C3orf18: variants seen among roughly 807,000 people sequenced by gnomAD.
C3orf18 encodes uncharacterized protein C3orf18.
In C3orf18, 12 loss-of-function variants were observed where a neutral mutation model predicts 14.1. The ratio of observed to expected loss-of-function variants is 0.85; its 90% CI spans 0.55 to 1.38. The LOEUF (loss-of-function observed/expected upper bound fraction) is 1.38, where lower values mean the gene tolerates loss of function less well. C3orf18 is among the 40% of genes most tolerant of loss of function. The probability of loss-of-function intolerance (pLI) is 0.00; values close to 1 mark genes in which losing one functional copy is unlikely to be tolerated. For synonymous variants in C3orf18, 82 were observed against 87.9 expected (o/e 0.93, Z 0.38); for missense variants, 196 against 213.9 (o/e 0.92, Z 0.52).
intron 3 of C3orf18, among the ~76,000 whole-genome samples, chr3:50,564,424 C>T (rs1218353642): frequency 6.6e-6 from 1 of 152,212 alleles, no homozygotes; most frequent in Admixed American, 6.5e-5. Context: ...CAGCCCCCTT[C>T]CTTCCTGATG....
chr3:50,561,554 G>C (rs964314470), intron 4 of C3orf18, among the ~76,000 whole-genome samples, 168 bp downstream of exon 4: 8 of 152,224 alleles, frequency 5.3e-5, no homozygotes, highest in Non-Finnish European at 1.0e-4. Context: ...CCTTGTGCAA[G>C]GGGGGCCCTC....
intron 5 of C3orf18, 62 bp from the exon 6 acceptor site, chr3:50,559,799 G>A: frequency 9.0e-7 from 1 of 1,113,928 alleles, no homozygotes; most frequent in Non-Finnish European, 1.3e-6. Flanking sequence ...CACTGGCCTG[G>A]TCACCTCCAC....
At chr3:50,562,302 G>A in intron 3 of C3orf18, 1 of 361,912 alleles carries the variant, frequency 2.8e-6, no homozygotes, top group Non-Finnish European at 5.4e-6. Flanking sequence ...GGCCCGGCCT[G>A]GGGACTGGTG....
At chr3:50,572,115 G>A (rs1176701577), upstream of C3orf18, 2 of 1,613,956 alleles carry the variant, frequency 1.2e-6, no homozygotes, top group Non-Finnish European at 1.7e-6. Flanking sequence ...CCCTCTGCAG[G>A]ATGCCGGTGC....
chr3:50,565,601 C>T lies in C3orf18; in HGVS notation c.99G>A (p.Glu33=). The part of the protein sequence containing the change: ...LEPATDGPAS[E]TTTLSPEATT... ...TGGCCTCTGGGCTGAGGGTAGTGGT[C>T]TCGGAGGCTGGCCCATCTGTGGCAG... The change falls in exon 3 of 6, where the codon GAG becomes GAA. Residue 33 remains glutamate, a synonymous_variant. Transcript: ENST00000357203. This position sits in a 1 kb window ranked among gnomAD's most constrained non-coding sequence, Gnocchi z 4.4. 1 of 1,613,952 alleles carries T rather than the reference C, an allele frequency of 6.2e-7. No individual in the cohort carries two copies. The highest frequency in any genetic ancestry group is 8.5e-7 in the Non-Finnish European group (1 of 1,180,012).
Position 50,565,943 on chromosome 3 carries a change from C to G in C3orf18, c.-163+63G>C. 1 of 542,116 alleles carries G rather than the reference C, an allele frequency of 1.8e-6. No individual in the cohort carries two copies. 33.6% of individuals were successfully genotyped at this position (542,116 alleles called of 1,614,324 possible). On this transcript the variant is annotated intron_variant, in intron 2 of 5. Transcript: ENST00000357203. This position sits in a 1 kb window ranked among gnomAD's most constrained non-coding sequence, Gnocchi z 4.4. ...GAAGTCTCTCTAGGTTCTGAAAGCA[C>G]TGGGGAGGTAAAGGTTTGAGGGCAA...
chr3:50,560,760 T>A (rs967547091), intron 5 of C3orf18, among the ~76,000 whole-genome samples, 157 bp downstream of exon 5: 6 of 152,210 alleles, frequency 3.9e-5, no homozygotes, highest in South Asian at 2.1e-4. Flanking sequence ...CAGAGCAATA[T>A]GACCACTTTC....
At chr3:50,571,557 G>A (rs772832969), upstream of C3orf18, 6 of 778,988 alleles carry the variant, frequency 7.7e-6, no homozygotes, top group Non-Finnish European at 8.8e-6. Context: ...TGTTAGCTGT[G>A]TAACCTTAGG....
At chr3:50,574,101 T>A (rs56112107), upstream of C3orf18, among the ~76,000 whole-genome samples, 3,813 of 152,314 alleles carry the variant, frequency 0.025, 184 homozygotes, top group African/African-American at 0.087. Flanking sequence ...ATGGAGTCCA[T>A]GTTGGGGCAG....
intron 1 of C3orf18, among the ~76,000 whole-genome samples, chr3:50,567,181 GCGTGACCTTGGGCCAAACCCTTAACT>G (rs1700359492): frequency 6.6e-6 from 1 of 152,184 alleles, no homozygotes; most frequent in Non-Finnish European, 1.5e-5. Flanking sequence ...CTGATCCCGG[GCGTGACCTTGGGCCAAACCCTTAACT>G]CGTGCCCTGG....
upstream of C3orf18, chr3:50,571,815 G>A (rs749107968): frequency 2.5e-6 from 4 of 1,609,996 alleles, no homozygotes; most frequent in South Asian, 3.3e-5. Flanking sequence ...AGCACCCATG[G>A]ATCAGACCTG....
rs1392867850 is a variant in C3orf18, at chr3:50,565,546, C to G, written c.154G>C (p.Ala52Pro). The G allele has an allele frequency of 6.2e-7, 1 of 1,614,068 alleles. No individual in the cohort carries two copies. The highest frequency in any genetic ancestry group is 2.2e-5 in the East Asian group (1 of 44,886). ...TTFNDTRIPD[A>P]AGGTAGVGTM... ...CCCACGCCGGCCGTGCCACCAGCTG[C>G]ATCAGGGATTCTGGTGTCATTAAAG... Residue 52 changes from alanine to proline, a missense_variant, in exon 3 of 6, where the codon GCA becomes CCA. By Grantham distance (27) the Ala-to-Pro change is conservative. Transcript: ENST00000357203. The surrounding 1 kb of genome is among the most constrained non-coding windows in gnomAD (Gnocchi z 4.4).
chr3:50,574,377 G>A (rs988630744), upstream of C3orf18, among the ~76,000 whole-genome samples: 2 of 152,192 alleles, frequency 1.3e-5, no homozygotes, highest in Non-Finnish European at 2.9e-5. Context: ...ATGAGTTTCC[G>A]GTGCTCTGGA....
intron 3 of C3orf18, among the ~76,000 whole-genome samples, chr3:50,564,978 G>T (rs1700200058): frequency 6.6e-6 from 1 of 152,290 alleles, no homozygotes; most frequent in South Asian, 2.1e-4. Context: ...GTATTCCCAA[G>T]AACCTTTTCT....
In C3orf18 at chr3:50,558,802, C is replaced by G; in HGVS notation, c.*855G>C. Reference sequence around the variant, plus strand: ...TTGAAGGCAGAGAAGATAGCCTACCCTGATGCTCCACTACATACCATGGGG... The same window carrying G: ...TTGAAGGCAGAGAAGATAGCCTACCGTGATGCTCCACTACATACCATGGGG... On this transcript the variant is annotated 3_prime_UTR_variant, in exon 6 of 6. Transcript: ENST00000357203. The G allele has an allele frequency of 7.8e-7, 1 of 1,289,870 alleles. No individual in the cohort carries two copies. Among genetic ancestry groups the G allele is most frequent in the Non-Finnish European group, 1.0e-6 (1 of 988,876 alleles). The allele number at this position is 1,289,870 out of a possible 1,614,324, so 79.9% of individuals were successfully genotyped here.
chr3:50,559,276 C>T lies in C3orf18; in HGVS notation c.*381G>A. The T allele has an allele frequency of 8.0e-7, 1 of 1,243,034 alleles. No individual in the cohort carries two copies. Among genetic ancestry groups the T allele is most frequent in the Non-Finnish European group, 1.0e-6 (1 of 971,442 alleles). 77.0% of individuals were successfully genotyped at this position (1,243,034 alleles called of 1,614,324 possible). On this transcript the variant is annotated 3_prime_UTR_variant, in exon 6 of 6. Transcript: ENST00000357203. ...AGGTCTCTCCCTAACAGAGGGAAAC[C>T]TCCCCTTTCCTCCCCCAATCCCTCC...
intron 3 of C3orf18, among the ~76,000 whole-genome samples, chr3:50,564,637 A>G (rs1455144067): frequency 2.0e-5 from 3 of 152,210 alleles, no homozygotes; most frequent in Non-Finnish European, 4.4e-5. Flanking sequence ...TAAGAACCAC[A>G]GGGCAGGACC....
upstream of C3orf18, chr3:50,571,755 C>A (rs144241904): frequency 4.3e-6 from 7 of 1,614,208 alleles, no homozygotes; most frequent in Non-Finnish European, 5.1e-6. Context: ...CTTGACCTCT[C>A]AGCAACTACA....
chr3:50,572,428 C>A (rs1000108966), upstream of C3orf18, among the ~76,000 whole-genome samples: 13 of 152,224 alleles, frequency 8.5e-5, no homozygotes, highest in Non-Finnish European at 1.5e-4. Context: ...TCAACCCAGC[C>A]TCTAGGTCTG....
Sources: allele counts gnomAD v4.1 joint callset (sites outside exome capture counted in the v4.1 genomes callset), GRCh38; gene constraint gnomAD v4.1.1; non-coding constraint Gnocchi (gnomAD v3.1); transcripts MANE v1.5; gene names NCBI Gene and HGNC (gene_info 2026-07-23, HGNC 2026-07-21).